The following RAP2C variants were observed in gnomAD, a reference collection of about 807,000 sequenced individuals.
The protein encoded by RAP2C is ras-related protein Rap-2c.
In RAP2C, 3 loss-of-function variants were observed where a neutral mutation model predicts 8.9. That is an observed-to-expected ratio of 0.34 (90% CI 0.15 to 0.87). The LOEUF (loss-of-function observed/expected upper bound fraction) is 0.87, where lower values mean the gene tolerates loss of function less well. RAP2C is among the 40% of genes least tolerant of loss of function. RAP2C has a pLI of 0.51. For synonymous variants in RAP2C, 60 were observed against 52.1 expected, an observed-to-expected ratio of 1.15 and a Z score of -0.65; for missense variants, 76 against 133.7, an observed-to-expected ratio of 0.57 and a Z score of 2.13.
intron 5 of RAP2C, among the ~76,000 whole-genome samples, chrX:132,208,538 AATG>A (rs1475454232): frequency 9.0e-6 from 1 of 111,071 alleles, no homozygotes; most frequent in Admixed American, 9.5e-5. Flanking sequence ...TTATTTTAAT[AATG>A]ATGTTAATAA....
chrX:132,216,697 A>G (rs1406812911), intron 4 of RAP2C, among the ~76,000 whole-genome samples: 1 of 112,436 alleles, frequency 8.9e-6, no homozygotes, highest in African/African-American at 3.2e-5. Context: ...TACTTGTTGA[A>G]TTGAGCAAGC....
chrX:132,211,841 C>T (rs1327403700), intron 5 of RAP2C, among the ~76,000 whole-genome samples: 1 of 111,691 alleles, frequency 9.0e-6, no homozygotes, highest in Non-Finnish European at 1.9e-5. Flanking sequence ...CTCAAATCAA[C>T]TTTACCTGTC....
chrX:132,209,977 C>T (rs944911986), intron 5 of RAP2C, among the ~76,000 whole-genome samples: 1 of 111,014 alleles, frequency 9.0e-6, no homozygotes, highest in African/African-American at 3.3e-5. Flanking sequence ...CGCTGAGGGC[C>T]TTTATGGTAC....
At chrX:132,209,064 G>T (rs1475981317) in intron 5 of RAP2C, among the ~76,000 whole-genome samples, 1 of 111,437 alleles carries the variant, frequency 9.0e-6, no homozygotes, top group African/African-American at 3.3e-5. Context: ...AAGCTTACTA[G>T]GGTTGGAGTG....
intron 5 of RAP2C, among the ~76,000 whole-genome samples, chrX:132,213,260 G>T (rs1930480241): frequency 9.0e-6 from 1 of 111,442 alleles, no homozygotes; most frequent in South Asian, 3.8e-4. Flanking sequence ...TACTGTCTAA[G>T]TGAGACTATT....
At chrX:132,214,575 C>G in intron 4 of RAP2C, 129 bp from the exon 5 acceptor site, 1 of 1,071,553 alleles carries the variant, frequency 9.3e-7, no homozygotes, top group Non-Finnish European at 1.2e-6. Context: ...TGAAATCACA[C>G]CTAAACAGAG....
intron 5 of RAP2C, among the ~76,000 whole-genome samples, chrX:132,206,839 A>G (rs1182222668): frequency 8.9e-6 from 1 of 112,444 alleles, no homozygotes; most frequent in African/African-American, 3.2e-5. Flanking sequence ...ATTATTATAG[A>G]AACATTCTTC....
At chrX:132,213,364 A>G (rs1243293711) in intron 5 of RAP2C, among the ~76,000 whole-genome samples, 3 of 111,804 alleles carry the variant, frequency 2.7e-5, no homozygotes, top group Admixed American at 9.5e-5. Flanking sequence ...TTAAAAAAGT[A>G]TGAGTTTTAA....
intron 3 of RAP2C, 54 bp downstream of exon 3, chrX:132,217,862 G>A (rs1930681332): frequency 9.0e-6 from 1 of 111,724 alleles, no homozygotes; most frequent in Non-Finnish European, 1.9e-5. Flanking sequence ...CGAACCTGCG[G>A]CGCCGGCCGC....
chrX:132,217,237 C>G lies in RAP2C; in HGVS notation c.32G>C (p.Ser11Thr). The change falls in exon 4 of 6, where the codon AGT becomes ACT. Residue 11 changes from serine (S) to threonine (T), a missense_variant. Transcript: ENST00000370874. Reference sequence around the variant, plus strand: ...AAGGGCAGATTTGCCAACCCCTCCACTCCCTAACACCACTACCTTGTATTC... The same window carrying G: ...AAGGGCAGATTTGCCAACCCCTCCAGTCCCTAACACCACTACCTTGTATTC... MREYKVVVLG[S>T]GGVGKSALTV... 4 of 1,138,942 alleles carry G rather than the reference C, an allele frequency of 3.5e-6. No individual in the cohort carries two copies. Among genetic ancestry groups the G allele is most frequent in the Non-Finnish European group, 4.7e-6 (4 of 857,423 alleles). 93.9% of individuals were successfully genotyped at this position (1,138,942 alleles called of 1,213,427 possible). A position where few individuals can be genotyped will look rare whatever the true frequency, so the allele number is the denominator to read the frequency against.
chrX:132,213,014 A>C (rs778998631), intron 5 of RAP2C, among the ~76,000 whole-genome samples: 71 of 112,071 alleles, frequency 6.3e-4, no homozygotes, highest in South Asian at 1.1e-3. Flanking sequence ...GAAAAGATAA[A>C]TTAGGGACCG....
At chrX:132,215,492 T>C (rs1930552972) in intron 4 of RAP2C, among the ~76,000 whole-genome samples, 1 of 111,819 alleles carries the variant, frequency 8.9e-6, no homozygotes, top group Non-Finnish European at 1.9e-5. Context: ...CTCAGATTTC[T>C]AGGTTACGCT....
intron 4 of RAP2C, among the ~76,000 whole-genome samples, chrX:132,216,426 A>C (rs1327321090): frequency 9.0e-6 from 1 of 110,710 alleles, no homozygotes; most frequent in Non-Finnish European, 1.9e-5. Context: ...TACACGCCCC[A>C]AGTAATTAAG....
chrX:132,203,700 A>G lies in RAP2C; in HGVS notation c.*1922T>C, dbSNP rs1032936241. 2 of 112,566 alleles carry G rather than the reference A, an allele frequency of 1.8e-5. No individual in the cohort carries two copies. The highest frequency in any genetic ancestry group is 3.8e-5 in the Non-Finnish European group (2 of 53,207). The allele number at this position is 112,566 out of a possible 1,213,427, so 9.3% of individuals were successfully genotyped here. ...TAATAACAATGATCCATGATCACTT[A>G]ACCTACTTTTAAATGAGTGTTTGGT... is the stretch of plus-strand genomic sequence containing the variant. On this transcript the variant is annotated 3_prime_UTR_variant, in exon 6 of 6. Transcript: ENST00000370874.
At position 132,217,296 on chromosome X, in the gene RAP2C, G is replaced by C; in HGVS notation, c.-28C>G. ...GTCTCACCTTCACCAACTCCTACCAGAGGGGGGGAAAGATCACCCCGCTAG... is the reference window on the plus strand; with the variant it reads ...GTCTCACCTTCACCAACTCCTACCACAGGGGGGGAAAGATCACCCCGCTAG... On this transcript the variant is annotated 5_prime_UTR_variant, in exon 4 of 6. Coordinates refer to ENST00000370874, the MANE Select transcript of RAP2C (RefSeq NM_001271186.2). 1 of 1,063,892 alleles carries C rather than the reference G, an allele frequency of 9.4e-7. No homozygotes were observed. The highest frequency in any genetic ancestry group is 2.9e-5 in the South Asian group (1 of 34,728). The allele number at this position is 1,063,892 out of a possible 1,213,427, so 87.7% of individuals were successfully genotyped here. A position where few individuals can be genotyped will look rare whatever the true frequency, so the allele number is the denominator to read the frequency against.
chrX:132,216,649 G>A (rs1463820045), intron 4 of RAP2C, among the ~76,000 whole-genome samples: 1 of 111,735 alleles, frequency 8.9e-6, no homozygotes, highest in Non-Finnish European at 1.9e-5. Flanking sequence ...ATTTACCCGA[G>A]ATTATTTGTT....
rs936274746 is a variant in RAP2C, at chrX:132,203,121, T to C, written c.*2501A>G. ...ACAAGAATGAAATCTATTGGAAAAA[T>C]TTTACTTTTACAAATCTTTATAGGT... On this transcript the variant is annotated 3_prime_UTR_variant, in exon 6 of 6. Transcript: ENST00000370874. The C allele has an allele frequency of 1.8e-5, 2 of 111,536 alleles. No homozygotes were observed. The highest frequency in any genetic ancestry group is 3.8e-5 in the Non-Finnish European group (2 of 52,954). 9.2% of individuals were successfully genotyped at this position (111,536 alleles called of 1,213,427 possible). A position where few individuals can be genotyped will look rare whatever the true frequency, so the allele number is the denominator to read the frequency against.
At chrX:132,213,037 C>T (rs960077430) in intron 5 of RAP2C, among the ~76,000 whole-genome samples, 5 of 111,526 alleles carry the variant, frequency 4.5e-5, no homozygotes, top group African/African-American at 1.6e-4. Flanking sequence ...AGTCTTTTCT[C>T]CGGGGAGCAT....
rs757519292 is a variant in RAP2C at position 132,203,162 on chromosome X, G to A, written c.*2460C>T. On this transcript the variant is annotated 3_prime_UTR_variant, in exon 6 of 6. Coordinates refer to ENST00000370874, the MANE Select transcript of RAP2C (RefSeq NM_001271186.2). ...CTTTATAGGTAATTGTTCAATGTTTGTACTTGTTATTTGAGATTTTACCTT... is the reference window on the plus strand; with the variant it reads ...CTTTATAGGTAATTGTTCAATGTTTATACTTGTTATTTGAGATTTTACCTT... 7 of 111,740 alleles carry A rather than the reference G, an allele frequency of 6.3e-5. No homozygotes were observed. The highest frequency in any genetic ancestry group is 2.8e-4 in the East Asian group (1 of 3,574). The allele number at this position is 111,740 out of a possible 1,213,427, so 9.2% of individuals were successfully genotyped here.
Sources: gnomAD v4.1 joint callset for allele counts (sites outside exome capture counted in the v4.1 genomes callset) on GRCh38, gnomAD v4.1.1 for gene constraint, MANE v1.5 for transcripts, NCBI Gene and HGNC (gene_info 2026-07-23, HGNC 2026-07-21) for gene names.